CA10: variants seen among roughly 807,000 people sequenced by gnomAD.
CA10 encodes the protein carbonic anhydrase 10 (inactive).
In CA10, 14 loss-of-function variants were observed where a neutral mutation model predicts 44.2. The observed-to-expected ratio is 0.32, with a 90% CI of 0.21 to 0.50. CA10 has a LOEUF of 0.50. Among genes scored for constraint, CA10 ranks in the 20% least tolerant of loss-of-function variants. The probability of loss-of-function intolerance (pLI) is 0.99; values close to 1 mark genes in which losing one functional copy is unlikely to be tolerated. For synonymous variants in CA10, 159 were observed against 141.6 expected, an observed-to-expected ratio of 1.12 and a Z score of -0.87; for missense variants, 350 against 409.7, an observed-to-expected ratio of 0.85 and a Z score of 1.26.
chr17:52,083,811 C>T (rs1032608115), intron 1 of CA10, among the ~76,000 whole-genome samples: 2 of 151,742 alleles, frequency 1.3e-5, no homozygotes, highest in African/African-American at 2.4e-5. Context: ...CGCACTTACC[C>T]ATTGATAGAG....
At chr17:51,959,306 G>C (rs1214461153) in intron 2 of CA10, among the ~76,000 whole-genome samples, 7 of 150,046 alleles carry the variant, frequency 4.7e-5, no homozygotes, top group East Asian at 2.0e-4. Flanking sequence ...GTGTGTGTGT[G>C]TGTGTGTGTG....
chr17:51,895,478 T>C (rs925443978), intron 3 of CA10, among the ~76,000 whole-genome samples: 1 of 151,908 alleles, frequency 6.6e-6, no homozygotes, highest in Admixed American at 6.6e-5. Context: ...AATCTTCAGG[T>C]TGTACTTCAG....
intron 2 of CA10, among the ~76,000 whole-genome samples, chr17:51,944,757 T>G (rs1370497251): frequency 6.6e-6 from 1 of 152,178 alleles, no homozygotes; most frequent in African/African-American, 2.4e-5. Flanking sequence ...AACATACATG[T>G]ATATTCCAAG....
chr17:51,789,312 G>A (rs141545461), intron 3 of CA10, among the ~76,000 whole-genome samples: 12 of 152,270 alleles, frequency 7.9e-5, no homozygotes, highest in Admixed American at 3.3e-4. Flanking sequence ...CACCGTGCCC[G>A]GCCCAATTAC....
At chr17:51,843,452 A>G (rs2143808636) in intron 3 of CA10, among the ~76,000 whole-genome samples, 1 of 152,322 alleles carries the variant, frequency 6.6e-6, no homozygotes, top group Non-Finnish European at 1.5e-5. Flanking sequence ...TTTGAAGAAC[A>G]AATTTTAGAC....
chr17:52,104,995 C>T (rs1411316454), intron 1 of CA10, among the ~76,000 whole-genome samples: 2 of 152,184 alleles, frequency 1.3e-5, no homozygotes, highest in Non-Finnish European at 2.9e-5. Flanking sequence ...CCTAGCTGCA[C>T]TTTAGACTCA....
At chr17:51,737,492 C>G (rs1329050333) in intron 4 of CA10, among the ~76,000 whole-genome samples, 1 of 152,024 alleles carries the variant, frequency 6.6e-6, no homozygotes, top group Non-Finnish European at 1.5e-5. Flanking sequence ...TTAAAAAGCC[C>G]TATCACAGAA....
At chr17:51,649,096 G>A in intron 6 of CA10, 86 bp downstream of exon 6, 1 of 881,874 alleles carries the variant, frequency 1.1e-6, no homozygotes, top group Non-Finnish European at 1.9e-6. Context: ...AAGGGCCCAT[G>A]GAGATCATCA....
chr17:51,766,901 CA>C (rs1303986583), intron 3 of CA10, among the ~76,000 whole-genome samples: 5 of 152,106 alleles, frequency 3.3e-5, no homozygotes, highest in Non-Finnish European at 7.4e-5. Context: ...AACATCCTGC[CA>C]GAGGTCCTCG....
intron 2 of CA10, among the ~76,000 whole-genome samples, chr17:52,049,758 C>T (rs897228141): frequency 2.6e-5 from 4 of 152,078 alleles, no homozygotes; most frequent in South Asian, 2.1e-4. Flanking sequence ...ACAAGTGCAT[C>T]AAAATTAGCA....
At chr17:51,821,037 C>A (rs1320991179) in intron 3 of CA10, among the ~76,000 whole-genome samples, 4 of 106,738 alleles carry the variant, frequency 3.7e-5, no homozygotes, top group Non-Finnish European at 7.5e-5. Flanking sequence ...CCCTCCCTCC[C>A]TCCCTCCCTC....
At chr17:52,152,510 C>T (rs1395361536) in intron 1 of CA10, among the ~76,000 whole-genome samples, 1 of 152,096 alleles carries the variant, frequency 6.6e-6, no homozygotes, top group Non-Finnish European at 1.5e-5. Context: ...ATCTAATATA[C>T]TCCTTTTCTT....
chr17:51,789,492 C>G (rs1042706877), intron 3 of CA10, among the ~76,000 whole-genome samples: 1 of 152,210 alleles, frequency 6.6e-6, no homozygotes, highest in East Asian at 1.9e-4. Flanking sequence ...AGCAGCTTCT[C>G]CAAGGCCACC....
At chr17:51,770,410 A>C (rs1206667708) in intron 3 of CA10, among the ~76,000 whole-genome samples, 2 of 152,090 alleles carry the variant, frequency 1.3e-5, no homozygotes, top group East Asian at 3.9e-4. Flanking sequence ...CCCTCCCCCG[A>C]GACCCTAGGC....
At chr17:51,925,079 G>C (rs1219699639) in intron 3 of CA10, among the ~76,000 whole-genome samples, 1 of 151,948 alleles carries the variant, frequency 6.6e-6, no homozygotes, top group Non-Finnish European at 1.5e-5. Flanking sequence ...TTTAAAGATG[G>C]GGTCTTATTA....
chr17:52,094,706 G>T (rs1190341633), intron 1 of CA10, among the ~76,000 whole-genome samples: 4 of 152,016 alleles, frequency 2.6e-5, no homozygotes, highest in Admixed American at 2.6e-4. Context: ...TATCCAAATG[G>T]GCAGTAAGCA....
At chr17:51,793,144 T>C (rs1456291751) in intron 3 of CA10, among the ~76,000 whole-genome samples, 1 of 152,194 alleles carries the variant, frequency 6.6e-6, no homozygotes, top group Non-Finnish European at 1.5e-5. Context: ...CCAGGATGCC[T>C]CACATGTGAA....
intron 4 of CA10, among the ~76,000 whole-genome samples, chr17:51,741,941 AT>A (rs1424003460): frequency 6.6e-6 from 1 of 152,176 alleles, no homozygotes; most frequent in Non-Finnish European, 1.5e-5. Context: ...CAGGTAGTAA[AT>A]ATTTTGGCTT....
intron 4 of CA10, among the ~76,000 whole-genome samples, chr17:51,709,597 C>G (rs1438505232): frequency 6.6e-6 from 1 of 152,200 alleles, no homozygotes. Flanking sequence ...TAAAATTATT[C>G]TAATGTGCAG....
Sources: allele counts gnomAD v4.1 joint callset (sites outside exome capture counted in the v4.1 genomes callset), GRCh38; gene constraint gnomAD v4.1.1; transcripts MANE v1.5; gene names NCBI Gene and HGNC (gene_info 2026-07-23, HGNC 2026-07-21).